Variants in CSMD1 observed in about 807,000 individuals in gnomAD.
The protein encoded by CSMD1 is CUB and Sushi multiple domains 1, also known as CUB and sushi domain-containing protein 1.
CSMD1 carries 213 observed loss-of-function variants against 417.5 expected under a neutral mutation model. The observed-to-expected ratio is 0.51, with a 90% confidence interval of 0.46 to 0.57. The LOEUF (loss-of-function observed/expected upper bound fraction) is 0.57. Ranked by LOEUF, CSMD1 falls within the 20% of genes least tolerant of loss-of-function variation. The pLI, the probability that CSMD1 is intolerant of heterozygous loss-of-function variation, is 0.00. For synonymous variants in CSMD1, 2,862 were observed against 1,736.8 expected, an observed-to-expected ratio of 1.65 and a Z score of -16.11; for missense variants, 6,923 against 4,529.7, an observed-to-expected ratio of 1.53 and a Z score of -15.17.
intron 3 of CSMD1, among the ~76,000 whole-genome samples, chr8:4,045,856 T>A (rs191937572): frequency 1.3e-5 from 2 of 152,280 alleles, no homozygotes; most frequent in East Asian, 3.9e-4. Context: ...ACTCTGGCAC[T>A]GCATTATTTT....
intron 3 of CSMD1, among the ~76,000 whole-genome samples, chr8:4,034,730 G>A (rs1035240482): frequency 1.3e-5 from 2 of 152,130 alleles, no homozygotes; most frequent in Admixed American, 1.3e-4. Context: ...TTTCTTTAAT[G>A]TCCAGGAATA....
intron 30 of CSMD1, among the ~76,000 whole-genome samples, chr8:3,211,944 G>T (rs1298484730): frequency 6.6e-6 from 1 of 152,200 alleles, no homozygotes; most frequent in Non-Finnish European, 1.5e-5. Flanking sequence ...GGCCCACCCT[G>T]GGCCAGGACA....
At chr8:4,546,255 G>A (rs1797627239) in intron 2 of CSMD1, among the ~76,000 whole-genome samples, 1 of 152,152 alleles carries the variant, frequency 6.6e-6, no homozygotes, top group Non-Finnish European at 1.5e-5. Flanking sequence ...CTTTCCCTCT[G>A]GAGGGTCCTT....
intron 3 of CSMD1, among the ~76,000 whole-genome samples, chr8:4,258,144 C>A: frequency 6.6e-6 from 1 of 150,652 alleles, no homozygotes. Context: ...GAGGTCTCAC[C>A]ATGTTGTTCA....
chr8:4,048,996 A>C (rs954987884), intron 3 of CSMD1, among the ~76,000 whole-genome samples: 1 of 152,208 alleles, frequency 6.6e-6, no homozygotes, highest in African/African-American at 2.4e-5. Context: ...GTTGATACAA[A>C]GAGGTGATGT....
chr8:4,252,944 C>A (rs1362452191), intron 3 of CSMD1, among the ~76,000 whole-genome samples: 1 of 152,200 alleles, frequency 6.6e-6, no homozygotes, highest in South Asian at 2.1e-4. Flanking sequence ...AACACACCAA[C>A]TTTTAGACTG....
intron 61 of CSMD1, among the ~76,000 whole-genome samples, 179 bp downstream of exon 61, chr8:2,962,287 T>C (rs4875857): frequency 0.29 from 44,746 of 152,152 alleles, 8,627 homozygotes; most frequent in African/African-American, 0.55. Context: ...TTAAAAGAGG[T>C]GGCACATCAG....
At chr8:3,764,720 G>C (rs997434102) in intron 5 of CSMD1, among the ~76,000 whole-genome samples, 1 of 149,392 alleles carries the variant, frequency 6.7e-6, no homozygotes, top group South Asian at 2.1e-4. Flanking sequence ...CTAAATCACA[G>C]CACTGCCCTT....
chr8:4,223,964 A>T (rs1361642324), intron 3 of CSMD1, among the ~76,000 whole-genome samples: 1 of 152,182 alleles, frequency 6.6e-6, no homozygotes, highest in Non-Finnish European at 1.5e-5. Flanking sequence ...TACTAGTCCA[A>T]CCACTTTTGA....
chr8:4,241,738 C>G (rs1310236613), intron 3 of CSMD1, among the ~76,000 whole-genome samples: 4 of 145,990 alleles, frequency 2.7e-5, no homozygotes, highest in African/African-American at 1.0e-4. Flanking sequence ...GAGTCTCGCT[C>G]TGTCGCCCAG....
At chr8:4,672,923 G>A (rs548581737) in intron 1 of CSMD1, among the ~76,000 whole-genome samples, 4 of 151,712 alleles carry the variant, frequency 2.6e-5, no homozygotes, top group East Asian at 3.9e-4. Context: ...CAAACATGGC[G>A]ACATACACAT....
chr8:3,275,865 T>C (rs1041203983), intron 26 of CSMD1, among the ~76,000 whole-genome samples: 3 of 152,154 alleles, frequency 2.0e-5, no homozygotes, highest in Non-Finnish European at 2.9e-5. Flanking sequence ...TTCTTTGCCT[T>C]TGGTTTGAAT....
intron 2 of CSMD1, among the ~76,000 whole-genome samples, chr8:4,440,465 C>CA (rs921931072): frequency 2.9e-4 from 44 of 151,400 alleles, no homozygotes; most frequent in South Asian, 8.4e-4. Context: ...TTGTTACTCA[C>CA]AAAAAAAAAT....
Position 4,013,671 on chromosome 8 carries a change from T to C in CSMD1, c.611-15561A>G, listed in dbSNP as rs545326696. 1.2e-4 allele frequency among the ~76,000 whole-genome samples: 19 copies of C among 152,352 alleles called. No individual in the cohort carries two copies. In the South Asian group the frequency reaches 1.5e-3, roughly 12 times the overall value. ...CATTAAAATGATATTTCTGCAAAGA[T>C]TGGAATTCTTTCTTGTTTTGTTCAT... On this transcript the variant is annotated intron_variant, in intron 4 of 69. Transcript: ENST00000635120.
intron 3 of CSMD1, among the ~76,000 whole-genome samples, chr8:4,393,550 T>A (rs1045984128): frequency 6.6e-6 from 1 of 152,202 alleles, no homozygotes; most frequent in Admixed American, 6.5e-5. Flanking sequence ...AACAGCTAGA[T>A]AAGCATGCAG....
intron 1 of CSMD1, among the ~76,000 whole-genome samples, chr8:4,976,125 A>G (rs1810548057): frequency 6.6e-6 from 1 of 152,206 alleles, no homozygotes; most frequent in Non-Finnish European, 1.5e-5. Context: ...AAATATGGAC[A>G]TAAGGGAAGA....
At chr8:3,441,243 T>C (rs2166715) in intron 12 of CSMD1, among the ~76,000 whole-genome samples, 96,088 of 151,850 alleles carry the variant, frequency 0.63, 30,562 homozygotes, top group East Asian at 0.76. Flanking sequence ...GATTTTGGAC[T>C]TGTGGCCTCC....
intron 5 of CSMD1, among the ~76,000 whole-genome samples, chr8:3,938,798 T>C (rs548801370): frequency 6.6e-6 from 1 of 152,186 alleles, no homozygotes; most frequent in African/African-American, 2.4e-5. Flanking sequence ...AATCCAAACA[T>C]TTTCTTCAGT....
intron 23 of CSMD1, among the ~76,000 whole-genome samples, chr8:3,333,465 A>G (rs1417483265): frequency 6.6e-6 from 1 of 152,242 alleles, no homozygotes; most frequent in Non-Finnish European, 1.5e-5. Flanking sequence ...CGTTTTTCTC[A>G]GCTAGGTTAA....
Sources: gnomAD v4.1 joint callset for allele counts (sites outside exome capture counted in the v4.1 genomes callset) on GRCh38, gnomAD v4.1.1 for gene constraint, MANE v1.5 for transcripts, NCBI Gene and HGNC (gene_info 2026-07-23, HGNC 2026-07-21) for gene names.